Variants in ATE1 observed in about 807,000 individuals in gnomAD.
The protein encoded by ATE1 is arginyltransferase 1.
ATE1 carries 36 observed loss-of-function variants against 70.5 expected under a neutral mutation model. The ratio of observed to expected loss-of-function variants is 0.51; its 90% confidence interval spans 0.39 to 0.67. The LOEUF (loss-of-function observed/expected upper bound fraction) is 0.67. ATE1 is among the 30% of genes least tolerant of loss of function. The pLI, the probability that ATE1 is intolerant of heterozygous loss-of-function variation, is 0.00. For synonymous variants in ATE1, 232 were observed against 219.3 expected (o/e 1.06, Z -0.51); for missense variants, 593 against 629.5 (o/e 0.94, Z 0.62).
chr10:121,918,921 T>A (rs1258006003), intron 3 of ATE1, among the ~76,000 whole-genome samples: 1 of 152,046 alleles, frequency 6.6e-6, no homozygotes, highest in African/African-American at 2.4e-5. Context: ...TGTAGCTAGC[T>A]AGAGGATTGT....
intron 10 of ATE1, among the ~76,000 whole-genome samples, chr10:121,791,726 A>G (rs1381539856): frequency 1.3e-5 from 2 of 152,194 alleles, no homozygotes; most frequent in African/African-American, 4.8e-5. Context: ...AAAACCAGAA[A>G]CAAACCTTTT....
At position 121,927,037 on chromosome 10, in the gene ATE1, G is replaced by A. The variant is rs113985432; in HGVS notation, c.106+807C>T. 1.5e-5 allele frequency: 15 copies of A among 985,332 alleles called. No individual in the cohort carries two copies. The African/African-American group carries it at 2.3e-4, about 15-fold the overall frequency. 61.0% of individuals were successfully genotyped at this position (985,332 alleles called of 1,614,324 possible). On this transcript the variant is annotated intron_variant, in intron 1 of 11. Coordinates refer to ENST00000224652, the MANE Select transcript of ATE1 (RefSeq NM_001001976.3). ...GCCTGTGTGTTTTCATGCGAATCTC[G>A]TTTTCCACAAAGCTAGACTGTTCTA...
chr10:121,791,684 T>C lies in ATE1; in HGVS notation c.1258-1395A>G, dbSNP rs545509591. Among the ~76,000 whole-genome samples, 3 of 152,330 alleles carry C rather than the reference T, an allele frequency of 2.0e-5. No individual in the cohort carries two copies. In the East Asian group the frequency reaches 5.8e-4, roughly 29 times the overall value. Reference sequence around the variant, plus strand: ...AACCCATAGTACAAAATACATTCTATATCACAGCCTAGTAAACATATTTGC... The same window carrying C: ...AACCCATAGTACAAAATACATTCTACATCACAGCCTAGTAAACATATTTGC... On this transcript the variant is annotated intron_variant, in intron 10 of 11. Transcript: ENST00000224652.
At chr10:121,878,317 G>C (rs1590606200) in intron 7 of ATE1, among the ~76,000 whole-genome samples, 1 of 152,136 alleles carries the variant, frequency 6.6e-6, no homozygotes, top group South Asian at 2.1e-4. Context: ...ATTTGGCCAG[G>C]CGTGTTGTTT....
chr10:121,870,556 C>A (rs1459232819), intron 7 of ATE1, among the ~76,000 whole-genome samples: 1 of 152,168 alleles, frequency 6.6e-6, no homozygotes, highest in Non-Finnish European at 1.5e-5. Flanking sequence ...AATTTGGCAT[C>A]TCATCTGTGG....
rs187127950 is a variant in ATE1, at chr10:121,796,438, C to T, written c.1258-6149G>A. Among the ~76,000 whole-genome samples, 346 of 152,192 alleles carry T rather than the reference C, an allele frequency of 2.3e-3. 5 individuals carry two copies. The highest frequency in any genetic ancestry group is 1.3e-3 in the Non-Finnish European group (88 of 67,996). ...TCCTATGATTCCTGACTTCACCAAA[C>T]GATTTTAACTTCTGCAACTATTTAC... On this transcript the variant is annotated intron_variant, in intron 10 of 11. Transcript: ENST00000224652.
chr10:121,911,017 A>T lies in ATE1; in HGVS notation c.472T>A (p.Ser158Thr). 6.2e-7 allele frequency: 1 copy of T among 1,613,974 alleles called. No homozygotes were observed. The highest frequency in any genetic ancestry group is 1.1e-5 in the South Asian group (1 of 91,036). ...KESLESEGKNSKKEEPQELLQ... is the reference protein window; with the variant it reads ...KESLESEGKNTKKEEPQELLQ... ...AATTCCTGAGGTTCTTCTTTCTTTGAATTTTTTCCTTCACTCTCTAAACTC... is the reference window on the plus strand; with the variant it reads ...AATTCCTGAGGTTCTTCTTTCTTTGTATTTTTTCCTTCACTCTCTAAACTC... The change falls in exon 5 of 12, where the codon TCA (serine) becomes ACA (threonine). Residue 158 changes from serine (S) to threonine (T), a missense_variant. Transcript: ENST00000224652.
chr10:121,802,876 T>C (rs1406380856), intron 10 of ATE1, among the ~76,000 whole-genome samples: 5 of 152,200 alleles, frequency 3.3e-5, no homozygotes, highest in Non-Finnish European at 7.3e-5. Flanking sequence ...AGGGACTTTC[T>C]AGTCCAAAAG....
chr10:121,855,224 C>T (rs891576719), intron 8 of ATE1, among the ~76,000 whole-genome samples: 1 of 152,212 alleles, frequency 6.6e-6, no homozygotes, highest in Non-Finnish European at 1.5e-5. Context: ...TCTGTGTCCA[C>T]ACTCCTTAAT....
chr10:121,891,174 C>G (rs542055289), intron 7 of ATE1, among the ~76,000 whole-genome samples: 1 of 152,196 alleles, frequency 6.6e-6, no homozygotes, highest in Admixed American at 6.5e-5. Context: ...TGGCAGAAGG[C>G]AATCGGTTTT....
chr10:121,871,253 G>C (rs1027149559), intron 7 of ATE1, among the ~76,000 whole-genome samples: 10 of 152,154 alleles, frequency 6.6e-5, no homozygotes, highest in African/African-American at 2.2e-4. Context: ...GAGGACAGGA[G>C]TTCGAGTCGA....
intron 7 of ATE1, among the ~76,000 whole-genome samples, chr10:121,893,771 T>C (rs1253646793): frequency 6.6e-6 from 1 of 152,086 alleles, no homozygotes; most frequent in Non-Finnish European, 1.5e-5. Context: ...ATTCAAGGAA[T>C]TAAAATGTTA....
At position 121,790,200 on chromosome 10, in the gene ATE1, C is replaced by T. The variant is rs1249970266; in HGVS notation, c.1347G>A (p.Lys449=). ...CTGGGTCCTGGTTGAAACGGCAGTA[C>T]TTGGAGTTTTCAAGTGAAGGCAGGC... ...EQCLPSLENS[K]YCRFNQDPEA... The change falls in exon 11 of 12, where the codon AAG becomes AAA. Residue 449 remains lysine, a synonymous_variant. Transcript: ENST00000224652. 1.9e-6 allele frequency: 3 copies of T among 1,614,008 alleles called. No individual in the cohort carries two copies. The highest frequency in any genetic ancestry group is 2.5e-6 in the Non-Finnish European group (3 of 1,179,926).
At chr10:121,831,469 T>G (rs1948234542) in intron 10 of ATE1, among the ~76,000 whole-genome samples, 1 of 152,162 alleles carries the variant, frequency 6.6e-6, no homozygotes, top group African/African-American at 2.4e-5. Flanking sequence ...CTCCCTCCTC[T>G]GCACTCGTGT....
chr10:121,925,646 G>A (rs1952058011), intron 1 of ATE1, among the ~76,000 whole-genome samples: 1 of 152,004 alleles, frequency 6.6e-6, no homozygotes, highest in Non-Finnish European at 1.5e-5. Flanking sequence ...AGGCCAACAT[G>A]GAAGATCACT....
At chr10:121,858,357 T>G (rs10886999) in intron 8 of ATE1, among the ~76,000 whole-genome samples, 61,041 of 151,740 alleles carry the variant, frequency 0.4, 12,472 homozygotes, top group Middle Eastern at 0.46. Context: ...ATTTTTTTTT[T>G]ATAATAACCC....
At chr10:121,844,273 G>A (rs776828444) in intron 8 of ATE1, among the ~76,000 whole-genome samples, 3 of 152,146 alleles carry the variant, frequency 2.0e-5, no homozygotes, top group Non-Finnish European at 4.4e-5. Context: ...TAAAAATAAG[G>A]GAGAAGGGGC....
chr10:121,746,207 G>A (rs1944364080), intron 11 of ATE1, among the ~76,000 whole-genome samples: 3 of 152,108 alleles, frequency 2.0e-5, no homozygotes, highest in African/African-American at 7.2e-5. Context: ...ACCGCCACCT[G>A]ACACATATAT....
chr10:121,916,968 A>G (rs1484864808), intron 3 of ATE1, among the ~76,000 whole-genome samples: 1 of 152,150 alleles, frequency 6.6e-6, no homozygotes, highest in African/African-American at 2.4e-5. Context: ...GTTCGAGACC[A>G]GCCTGGCCAA....
Sources: allele counts gnomAD v4.1 joint callset (sites outside exome capture counted in the v4.1 genomes callset), GRCh38; gene constraint gnomAD v4.1.1; transcripts MANE v1.5; gene names NCBI Gene and HGNC (gene_info 2026-07-23, HGNC 2026-07-21).